The following TLN2 variants were observed in gnomAD, a reference collection of about 807,000 sequenced individuals.
The protein encoded by TLN2 is talin 2.
TLN2 carries 118 observed loss-of-function variants against 294.7 expected under a neutral mutation model. That is an observed-to-expected ratio of 0.40 (90% CI 0.34 to 0.47). The LOEUF (loss-of-function observed/expected upper bound fraction) is 0.47, where lower values mean the gene tolerates loss of function less well. TLN2 is among the 20% of genes least tolerant of loss of function. TLN2 has a pLI of 0.84. For missense variants in TLN2, 3,083 were observed against 3,282.2 expected, an observed-to-expected ratio of 0.94 and a Z score of 1.48; for synonymous variants, 1,431 against 1,304.5, an observed-to-expected ratio of 1.10 and a Z score of -2.09.
intron 54 of TLN2, chr15:62,829,375 A>C (rs1409788430): frequency 6.6e-6 from 1 of 152,120 alleles, no homozygotes; most frequent in Non-Finnish European, 1.5e-5. Flanking sequence ...GCGGCAGGCA[A>C]GCGGGCTTGT....
chr15:62,563,020 T>C (rs2043107862), intron 1 of TLN2, among the ~76,000 whole-genome samples: 1 of 151,886 alleles, frequency 6.6e-6, no homozygotes, highest in African/African-American at 2.4e-5. Flanking sequence ...GCTGGTTCCA[T>C]GTTTTTGCAG....
chr15:62,819,417 C>A, intron 52 of TLN2, 99 bp from the exon 53 acceptor site: 1 of 990,092 alleles, frequency 1.0e-6, no homozygotes, highest in Non-Finnish European at 1.6e-6. Flanking sequence ...AACTTAAAAC[C>A]AGGCTGCCTG....
chr15:62,707,342 T>C, intron 20 of TLN2, 89 bp downstream of exon 20: 1 of 1,424,242 alleles, frequency 7.0e-7, no homozygotes, highest in Admixed American at 2.4e-5. Flanking sequence ...GGGGCAGAAT[T>C]TGTTTAAATA....
At chr15:62,498,636 T>C (rs1386304241) in intron 1 of TLN2, among the ~76,000 whole-genome samples, 2 of 152,316 alleles carry the variant, frequency 1.3e-5, no homozygotes, top group African/African-American at 4.8e-5. Flanking sequence ...TCTGATGATA[T>C]CCCAGTGTCT....
chr15:62,461,660 G>T (rs2036812718), intron 1 of TLN2, among the ~76,000 whole-genome samples: 1 of 152,230 alleles, frequency 6.6e-6, no homozygotes, highest in African/African-American at 2.4e-5. Flanking sequence ...AGCAAGGTGT[G>T]TTAGAGGGAG....
chr15:62,468,752 A>AT (rs1567000575), intron 1 of TLN2, among the ~76,000 whole-genome samples: 2 of 107,740 alleles, frequency 1.9e-5, no homozygotes, highest in Non-Finnish European at 3.7e-5. Context: ...CTCAAAAAAA[A>AT]AATAAAAATA....
intron 1 of TLN2, among the ~76,000 whole-genome samples, chr15:62,480,754 A>C (rs1448372291): frequency 6.6e-6 from 1 of 151,906 alleles, no homozygotes; most frequent in Admixed American, 6.5e-5. Flanking sequence ...TTGTGCCGGG[A>C]TGTACTTTTT....
chr15:62,494,709 A>AT (rs896772319), intron 1 of TLN2, among the ~76,000 whole-genome samples: 16 of 150,270 alleles, frequency 1.1e-4, no homozygotes, highest in East Asian at 3.9e-4. Context: ...AAGGCTAAAG[A>AT]TTTTTTTTTT....
At chr15:62,524,820 A>G (rs1229382310) in intron 1 of TLN2, among the ~76,000 whole-genome samples, 1 of 152,224 alleles carries the variant, frequency 6.6e-6, no homozygotes, top group Non-Finnish European at 1.5e-5. Context: ...TCATGTTGGT[A>G]TCCTTTGTCC....
intron 32 of TLN2, among the ~76,000 whole-genome samples, chr15:62,742,024 G>T (rs8025306): frequency 0.46 from 37,252 of 81,622 alleles, 7,126 homozygotes; most frequent in East Asian, 0.5. Context: ...CTTGTAGTGG[G>T]GTGTGTGTGT....
intron 24 of TLN2, 150 bp from the exon 25 acceptor site, chr15:62,719,617 G>C (rs2059998725): frequency 3.8e-6 from 2 of 527,660 alleles, no homozygotes; most frequent in South Asian, 6.0e-5. Flanking sequence ...GACCCAGCTG[G>C]CTTAATGTGC....
At chr15:62,463,162 A>C (rs2036909018) in intron 1 of TLN2, among the ~76,000 whole-genome samples, 2 of 152,326 alleles carry the variant, frequency 1.3e-5, no homozygotes, top group East Asian at 3.9e-4. Flanking sequence ...AAAGAAGATA[A>C]AAGGCTCTTG....
chr15:62,454,549 G>C (rs556266386), intron 1 of TLN2, among the ~76,000 whole-genome samples: 1 of 152,242 alleles, frequency 6.6e-6, no homozygotes, highest in East Asian at 1.9e-4. Flanking sequence ...GTCATTAGGG[G>C]TGGGATGTCT....
In TLN2 at chr15:62,838,928, G is replaced by A; in HGVS notation, c.7447G>A (p.Ala2483Thr). 1 of 1,613,722 alleles carries A rather than the reference G, an allele frequency of 6.2e-7. No homozygotes were observed. The highest frequency in any genetic ancestry group is 1.1e-5 in the South Asian group (1 of 91,084). ...AGCCCAGAAGGCAGCTTTTGGCAAA[G>A]CTGATGACGACGATGTTGTAGTGAA... ...RAAQKAAFGKADDDDVVVKTK... is the reference protein window; with the variant it reads ...RAAQKAAFGKTDDDDVVVKTK... The change falls in exon 58 of 59, where the codon GCT (alanine) becomes ACT (threonine). Residue 2483 changes from alanine (A) to threonine (T), a missense_variant. By Grantham distance (58) the Ala-to-Thr change is moderately conservative. Coordinates refer to ENST00000636159, the MANE Select transcript of TLN2 (RefSeq NM_015059.3).
At chr15:62,775,716 T>G (rs2063675279) in intron 42 of TLN2, among the ~76,000 whole-genome samples, 1 of 152,248 alleles carries the variant, frequency 6.6e-6, no homozygotes, top group Admixed American at 6.5e-5. Flanking sequence ...AAAGTAAAGA[T>G]GCAGTATCTT....
chr15:62,600,664 A>G (rs2046919363), intron 2 of TLN2, among the ~76,000 whole-genome samples: 1 of 152,258 alleles, frequency 6.6e-6, no homozygotes, highest in Non-Finnish European at 1.5e-5. Context: ...GTTTTAAAAA[A>G]GGAAACTTTC....
At chr15:62,672,455 C>T (rs1355528021) in intron 9 of TLN2, among the ~76,000 whole-genome samples, 3 of 152,062 alleles carry the variant, frequency 2.0e-5, no homozygotes, top group Non-Finnish European at 4.4e-5. Flanking sequence ...CGGAATAATC[C>T]AGGGGAGGTC....
intron 33 of TLN2, among the ~76,000 whole-genome samples, chr15:62,748,666 C>A (rs951402171): frequency 1.3e-5 from 2 of 152,202 alleles, no homozygotes; most frequent in African/African-American, 2.4e-5. Context: ...GATTATCATT[C>A]CTGCTTCTCC....
chr15:62,518,947 T>C (rs1242986590), intron 1 of TLN2, among the ~76,000 whole-genome samples: 2 of 152,212 alleles, frequency 1.3e-5, no homozygotes, highest in East Asian at 3.9e-4. Context: ...TTAAGATTTA[T>C]TGGGCACTTT....
Sources: gnomAD v4.1 joint callset for allele counts (sites outside exome capture counted in the v4.1 genomes callset) on GRCh38, gnomAD v4.1.1 for gene constraint, MANE v1.5 for transcripts, NCBI Gene and HGNC (gene_info 2026-07-23, HGNC 2026-07-21) for gene names.